The following NKAIN3 variants were observed in gnomAD, a reference collection of about 807,000 sequenced individuals.
The protein encoded by NKAIN3 is sodium/potassium transporting ATPase interacting 3, also known as sodium/potassium-transporting ATPase subunit beta-1-interacting protein 3.
Under a neutral mutation model 30.2 loss-of-function variants are expected in NKAIN3, and 25 were observed. The observed-to-expected ratio is 0.83, with a 90% CI of 0.60 to 1.16. The LOEUF is 1.16. Ranked by LOEUF, NKAIN3 falls within the 50% of genes most tolerant of loss-of-function variation. The pLI, the probability that NKAIN3 is intolerant of heterozygous loss-of-function variation, is 0.00. For missense variants in NKAIN3, 225 were observed against 254.1 expected (o/e 0.89, Z 0.78); for synonymous variants, 91 against 89.6 (o/e 1.02, Z -0.09).
At chr8:62,770,978 A>T (rs192604287) in intron 4 of NKAIN3, among the ~76,000 whole-genome samples, 1 of 152,188 alleles carries the variant, frequency 6.6e-6, no homozygotes, top group African/African-American at 2.4e-5. Flanking sequence ...ACAAAAAATG[A>T]GACATGCAAA....
At chr8:62,258,592 C>G (rs1011765095) in intron 1 of NKAIN3, among the ~76,000 whole-genome samples, 1 of 151,842 alleles carries the variant, frequency 6.6e-6, no homozygotes, top group East Asian at 1.9e-4. Flanking sequence ...CCCAGGAGTT[C>G]GAGGCTGCAG....
chr8:62,816,658 G>A (rs1818692834), intron 4 of NKAIN3, among the ~76,000 whole-genome samples: 1 of 152,046 alleles, frequency 6.6e-6, no homozygotes, highest in Non-Finnish European at 1.5e-5. Flanking sequence ...TTGGTGCTGG[G>A]GTCAGCGCTG....
intron 4 of NKAIN3, among the ~76,000 whole-genome samples, chr8:62,836,657 A>G (rs1819374420): frequency 6.6e-6 from 1 of 152,128 alleles, no homozygotes. Flanking sequence ...ACAGTAGATA[A>G]CAAAGTTGCC....
chr8:62,634,024 A>G (rs372804591), intron 3 of NKAIN3, among the ~76,000 whole-genome samples: 1 of 152,174 alleles, frequency 6.6e-6, no homozygotes, highest in Admixed American at 6.6e-5. Flanking sequence ...TGTATGCTCA[A>G]TTTAACTGAA....
intron 1 of NKAIN3, among the ~76,000 whole-genome samples, chr8:62,516,504 C>G (rs1175677084): frequency 6.6e-6 from 1 of 151,994 alleles, no homozygotes; most frequent in Non-Finnish European, 1.5e-5. Flanking sequence ...GTTTGTTTTA[C>G]TTGTGTCACT....
intron 3 of NKAIN3, among the ~76,000 whole-genome samples, chr8:62,714,604 G>A (rs569996506): frequency 9.2e-5 from 14 of 152,136 alleles, no homozygotes; most frequent in East Asian, 3.9e-4. Flanking sequence ...AAAAATAAAA[G>A]AATAAGATAG....
At chr8:62,687,003 A>G (rs549537569) in intron 3 of NKAIN3, among the ~76,000 whole-genome samples, 2 of 152,352 alleles carry the variant, frequency 1.3e-5, no homozygotes, top group South Asian at 4.1e-4. Context: ...TACTTGTATC[A>G]AACAATATAA....
At chr8:62,924,076 CCTGA>C (rs1010006995) in intron 5 of NKAIN3, among the ~76,000 whole-genome samples, 2 of 152,132 alleles carry the variant, frequency 1.3e-5, no homozygotes, top group African/African-American at 4.8e-5. Flanking sequence ...TATAATTCAG[CCTGA>C]CTAAGAATCA....
intron 1 of NKAIN3, among the ~76,000 whole-genome samples, chr8:62,415,335 GATAA>G (rs1804410255): frequency 6.8e-6 from 1 of 146,786 alleles, no homozygotes; most frequent in Non-Finnish European, 1.5e-5. Flanking sequence ...AGCTTGAGAT[GATAA>G]ATAGATGATG....
chr8:62,318,614 T>C (rs889172641), intron 1 of NKAIN3, among the ~76,000 whole-genome samples: 3 of 149,818 alleles, frequency 2.0e-5, no homozygotes, highest in African/African-American at 7.7e-5. Context: ...TCATTGGTTC[T>C]GTTTATATGC....
At chr8:62,869,104 G>T (rs750561011) in intron 4 of NKAIN3, among the ~76,000 whole-genome samples, 57 of 152,158 alleles carry the variant, frequency 3.7e-4, no homozygotes, top group Non-Finnish European at 8.1e-4. Context: ...AAAGAATGCT[G>T]TGGAAAAGAA....
At chr8:62,830,518 C>T (rs1464087586) in intron 4 of NKAIN3, among the ~76,000 whole-genome samples, 5 of 152,124 alleles carry the variant, frequency 3.3e-5, no homozygotes, top group African/African-American at 1.2e-4. Context: ...CATAATTTGC[C>T]TTAAATTTTT....
chr8:62,724,286 C>T (rs1815189195), intron 3 of NKAIN3, among the ~76,000 whole-genome samples: 1 of 151,760 alleles, frequency 6.6e-6, no homozygotes, highest in Non-Finnish European at 1.5e-5. Flanking sequence ...TGCATGTTTA[C>T]AAGGTGTATG....
chr8:62,957,161 T>G (rs1823441114), intron 6 of NKAIN3, among the ~76,000 whole-genome samples: 1 of 150,694 alleles, frequency 6.6e-6, no homozygotes, highest in Admixed American at 6.6e-5. Context: ...TAAGACGGAG[T>G]CTTGCTCTTT....
chr8:62,744,245 A>T (rs916106204), intron 3 of NKAIN3, among the ~76,000 whole-genome samples: 12 of 152,194 alleles, frequency 7.9e-5, no homozygotes, highest in Admixed American at 6.5e-4. Flanking sequence ...CCACACAAAA[A>T]ACTTAAGAAG....
intron 3 of NKAIN3, among the ~76,000 whole-genome samples, chr8:62,731,153 A>G (rs1030041213): frequency 4.0e-5 from 6 of 151,794 alleles, no homozygotes; most frequent in Admixed American, 3.3e-4. Flanking sequence ...GAGGAATGGT[A>G]TCAAACAGCA....
intron 4 of NKAIN3, among the ~76,000 whole-genome samples, chr8:62,900,887 T>C (rs1821593810): frequency 6.6e-6 from 1 of 152,054 alleles, no homozygotes; most frequent in Non-Finnish European, 1.5e-5. Context: ...GAGGTGAGTG[T>C]TGGAACCCAG....
At chr8:62,802,601 G>C (rs909020266) in intron 4 of NKAIN3, among the ~76,000 whole-genome samples, 15 of 152,116 alleles carry the variant, frequency 9.9e-5, no homozygotes, top group Non-Finnish European at 1.9e-4. Context: ...CCCTAAAAGA[G>C]CTCCTGAAAG....
intron 3 of NKAIN3, among the ~76,000 whole-genome samples, chr8:62,700,354 G>A (rs1216102565): frequency 6.6e-6 from 1 of 152,184 alleles, no homozygotes; most frequent in Non-Finnish European, 1.5e-5. Context: ...CACATCTTGT[G>A]CTTAAACACT....
Sources: allele counts gnomAD v4.1 joint callset (sites outside exome capture counted in the v4.1 genomes callset), GRCh38; gene constraint gnomAD v4.1.1; transcripts MANE v1.5; gene names NCBI Gene and HGNC (gene_info 2026-07-23, HGNC 2026-07-21).